RFPL1: variants seen among roughly 807,000 people sequenced by gnomAD.
RFPL1 encodes the protein ret finger protein like 1, also known as ret finger protein-like 1.
A neutral mutation model predicts 9.6 loss-of-function variants in RFPL1; 6 were observed. The observed-to-expected ratio is 0.62, with a 90% CI of 0.34 to 1.23. The LOEUF is 1.23. Among genes scored for constraint, RFPL1 ranks in the 50% most tolerant of loss-of-function variants. The pLI, the probability that RFPL1 is intolerant of heterozygous loss-of-function variation, is 0.03. For synonymous variants in RFPL1, 145 were observed against 149.4 expected (o/e 0.97, Z 0.22); for missense variants, 352 against 398.4 (o/e 0.88, Z 0.99).
chr22:29,442,266 A>C, exon 2 of RFPL1: 1 of 559,832 alleles, frequency 1.8e-6, no homozygotes, highest in Non-Finnish European at 3.0e-6. Flanking sequence ...ATCTAATTTG[A>C]TTAGTTTATA....
the RFPL1 span, among the ~76,000 whole-genome samples, chr22:29,397,536 G>C: frequency 0.6 from 90,639 of 150,922 alleles, 27,681 homozygotes; most frequent in African/African-American, 0.73. Context: ...CCTGCCGACC[G>C]ATGGGCCAAA....
the RFPL1 span, among the ~76,000 whole-genome samples, chr22:29,390,154 C>A: frequency 6.6e-6 from 1 of 152,158 alleles, no homozygotes; most frequent in African/African-American, 2.4e-5. Context: ...TACATTTCTA[C>A]TTGGCACTTT....
At chr22:29,408,938 G>A in the RFPL1 span, among the ~76,000 whole-genome samples, 8 of 150,172 alleles carry the variant, frequency 5.3e-5, no homozygotes, top group South Asian at 2.1e-4. Context: ...TTTCACATCC[G>A]GTTTTTTATT....
the RFPL1 span, among the ~76,000 whole-genome samples, chr22:29,403,047 T>C: frequency 6.7e-6 from 1 of 149,942 alleles, no homozygotes; most frequent in Non-Finnish European, 1.5e-5. Flanking sequence ...CAGTAGCTGG[T>C]AGTGGAAGGA....
chr22:29,442,162 T>A, exon 2 of RFPL1: 1 of 1,455,912 alleles, frequency 6.9e-7, no homozygotes, highest in Non-Finnish European at 9.2e-7. Flanking sequence ...TTAAGAAAAT[T>A]ACTTGGGTGG....
chr22:29,440,660 C>G (rs2062833972), intron 1 of RFPL1: 1 of 152,114 alleles, frequency 6.6e-6, no homozygotes, highest in South Asian at 2.1e-4. Context: ...GCAAGCTCCG[C>G]CTCCTGGGTT....
chr22:29,417,879 G>A, the RFPL1 span, among the ~76,000 whole-genome samples: 1 of 151,796 alleles, frequency 6.6e-6, no homozygotes, highest in Non-Finnish European at 1.5e-5. Flanking sequence ...TTTGAGTTTG[G>A]GGTAGTGAGC....
chr22:29,410,310 ATATAG>A, the RFPL1 span, among the ~76,000 whole-genome samples: 1 of 96,290 alleles, frequency 1.0e-5, no homozygotes, highest in African/African-American at 5.6e-5. Flanking sequence ...ATATATCTAT[ATATAG>A]ATATATATAT....
At chr22:29,420,626 GTTTTTTGCTTT>G in the RFPL1 span, among the ~76,000 whole-genome samples, 3 of 82,588 alleles carry the variant, frequency 3.6e-5, no homozygotes, top group African/African-American at 1.1e-4. Flanking sequence ...ACTGCAGATG[GTTTTTTGCTTT>G]TTTTTTTTTT....
chr22:29,439,404 C>A (rs1000744123), intron 1 of RFPL1: 3 of 579,428 alleles, frequency 5.2e-6, no homozygotes, highest in African/African-American at 1.9e-5. Flanking sequence ...GAGGCCGAGG[C>A]GGGTGGATCA....
chr22:29,389,836 T>C, the RFPL1 span, among the ~76,000 whole-genome samples: 1 of 152,068 alleles, frequency 6.6e-6, no homozygotes, highest in African/African-American at 2.4e-5. Context: ...TCTCGCTCTG[T>C]TGCCCGGACT....
chr22:29,431,171 C>T, the RFPL1 span, among the ~76,000 whole-genome samples: 1 of 152,090 alleles, frequency 6.6e-6, no homozygotes, highest in South Asian at 2.1e-4. Context: ...GGAGGAGACA[C>T]ACATCCAGGC....
chr22:29,410,560 A>G, the RFPL1 span, among the ~76,000 whole-genome samples: 1 of 93,140 alleles, frequency 1.1e-5, no homozygotes, highest in African/African-American at 3.4e-5. Flanking sequence ...TATATATTGT[A>G]GATATATATA....
At chr22:29,434,494 CTGTGGAGTGTCCAT>C (rs2062799520), upstream of RFPL1, 1 of 158,456 alleles carries the variant, frequency 6.3e-6, no homozygotes, top group Admixed American at 6.6e-5. Context: ...TTCTGAAGAC[CTGTGGAGTGTCCAT>C]TGTGGATTTC....
chr22:29,406,237 G>A, the RFPL1 span, among the ~76,000 whole-genome samples: 29 of 144,966 alleles, frequency 2.0e-4, 1 homozygote, highest in Admixed American at 1.6e-3. Context: ...TCCCCTGCCC[G>A]GGAGCCATAC....
the RFPL1 span, among the ~76,000 whole-genome samples, chr22:29,421,246 C>T: frequency 2.0e-5 from 3 of 152,118 alleles, no homozygotes; most frequent in Non-Finnish European, 4.4e-5. Flanking sequence ...TCTGTCCACA[C>T]ATCTCTCTTC....
chr22:29,395,441 C>T, the RFPL1 span, among the ~76,000 whole-genome samples: 1 of 152,110 alleles, frequency 6.6e-6, no homozygotes, highest in Non-Finnish European at 1.5e-5. Flanking sequence ...CCATCCCTCC[C>T]GCCCAGCCCA....
chr22:29,441,017 C>T (rs1392944671), intron 1 of RFPL1: 1 of 155,014 alleles, frequency 6.5e-6, no homozygotes, highest in African/African-American at 2.4e-5. Flanking sequence ...TCCTAATGTC[C>T]AGGACCGGCA....
At chr22:29,413,779 T>C in the RFPL1 span, among the ~76,000 whole-genome samples, 1 of 152,244 alleles carries the variant, frequency 6.6e-6, no homozygotes, top group African/African-American at 2.4e-5. Flanking sequence ...GTTGTGTTTT[T>C]ATTTTAATGT....
Sources: allele counts gnomAD v4.1 joint callset (sites outside exome capture counted in the v4.1 genomes callset), GRCh38; gene constraint gnomAD v4.1.1; transcripts MANE v1.5; gene names NCBI Gene and HGNC (gene_info 2026-07-23, HGNC 2026-07-21).